The following HPGDS variants were observed in gnomAD, a reference collection of about 807,000 sequenced individuals.
The protein encoded by HPGDS is GST class-sigma.
A neutral mutation model predicts 23.1 loss-of-function variants in HPGDS; 26 were observed. The observed-to-expected ratio is 1.13, with a 90% CI of 0.83 to 1.56. HPGDS has a LOEUF of 1.56. HPGDS is among the 40% of genes most tolerant of loss of function. The pLI, the probability that HPGDS is intolerant of heterozygous loss-of-function variation, is 0.00. For synonymous variants in HPGDS, 95 were observed against 77.9 expected (o/e 1.22, Z -1.16); for missense variants, 268 against 236.4 (o/e 1.13, Z -0.88).
intron 2 of HPGDS, among the ~76,000 whole-genome samples, chr4:94,319,756 A>G (rs1377397967): frequency 6.6e-6 from 1 of 151,866 alleles, no homozygotes; most frequent in African/African-American, 2.4e-5. Flanking sequence ...GAGAAAGACT[A>G]TTTCTCCCTC....
intron 4 of HPGDS, among the ~76,000 whole-genome samples, chr4:94,305,377 T>G (rs994369326): frequency 3.3e-5 from 5 of 152,230 alleles, no homozygotes; most frequent in African/African-American, 9.6e-5. Flanking sequence ...CGTGTGTGTG[T>G]GGGCAGACCC....
chr4:94,338,134 A>T (rs897529124), intron 1 of HPGDS, among the ~76,000 whole-genome samples: 2 of 152,198 alleles, frequency 1.3e-5, no homozygotes, highest in African/African-American at 4.8e-5. Flanking sequence ...ATTAAAAGAG[A>T]AAAATCAGGC....
At chr4:94,307,719 A>T (rs954346474) in intron 4 of HPGDS, among the ~76,000 whole-genome samples, 1 of 152,162 alleles carries the variant, frequency 6.6e-6, no homozygotes, top group Admixed American at 6.6e-5. Context: ...CTTGTGGAAA[A>T]TCGTATTGGC....
At chr4:94,302,089 T>C (rs1461479096) in intron 5 of HPGDS, 57 bp downstream of exon 5, 2 of 1,303,110 alleles carry the variant, frequency 1.5e-6, no homozygotes, top group Non-Finnish European at 1.1e-6. Flanking sequence ...GTTTTTATAC[T>C]TCTATTGGTT....
intron 3 of HPGDS, among the ~76,000 whole-genome samples, chr4:94,311,375 T>C (rs1244032329): frequency 1.3e-5 from 2 of 151,406 alleles, no homozygotes; most frequent in African/African-American, 2.5e-5. Context: ...CAAGGCCTTT[T>C]CTGCATCTAT....
rs963541279 is a variant in HPGDS, at chr4:94,302,411, C to T, written c.337-167G>A. ...ATGACATGGAGATTTAGGTCTGATT[C>T]TCTATAGATGTGAGTCATCTCTTTA... On this transcript the variant is annotated intron_variant, in intron 4 of 5. Coordinates refer to ENST00000295256, the MANE Select transcript of HPGDS (RefSeq NM_014485.3). 5.9e-5 allele frequency among the ~76,000 whole-genome samples: 9 copies of T among 152,044 alleles called. No homozygotes were observed. The South Asian group carries it at 1.9e-3, about 32-fold the overall frequency.
chr4:94,340,142 G>A (rs1721108490), intron 1 of HPGDS, among the ~76,000 whole-genome samples: 1 of 151,626 alleles, frequency 6.6e-6, no homozygotes, highest in South Asian at 2.1e-4. Flanking sequence ...TTTTTTAGTG[G>A]AGATGGGGTT....
chr4:94,304,957 G>T (rs1163686798), intron 4 of HPGDS, among the ~76,000 whole-genome samples: 1 of 151,978 alleles, frequency 6.6e-6, no homozygotes, highest in Non-Finnish European at 1.5e-5. Flanking sequence ...GGGGTGTTTG[G>T]TACATGGAAC....
intron 1 of HPGDS, among the ~76,000 whole-genome samples, chr4:94,341,564 A>G (rs1721175488): frequency 6.6e-6 from 1 of 152,244 alleles, no homozygotes; most frequent in Non-Finnish European, 1.5e-5. Flanking sequence ...TCTACAGTTC[A>G]ATACAAAATG....
Position 94,308,616 on chromosome 4 carries a change from G to A in HPGDS, c.336+18C>T, listed in dbSNP as rs1756185449. The A allele has an allele frequency of 7.4e-6, 10 of 1,358,424 alleles. No homozygotes were observed. The highest frequency in any genetic ancestry group is 1.1e-5 in the Non-Finnish European group (10 of 952,320). 84.1% of individuals were successfully genotyped at this position (1,358,424 alleles called of 1,614,324 possible). On this transcript the variant is annotated intron_variant, in intron 4 of 5. Coordinates refer to ENST00000295256, the MANE Select transcript of HPGDS (RefSeq NM_014485.3). ...TGGTATATAATTAATACTAGGAATA[G>A]CAAATGGATCACATTACTTTCACAT...
intron 4 of HPGDS, 128 bp downstream of exon 4, chr4:94,308,506 A>G (rs921897763): frequency 5.9e-6 from 3 of 511,062 alleles, no homozygotes; most frequent in Admixed American, 7.1e-5. Context: ...TTAAACTTTT[A>G]AAATATAATT....
chr4:94,313,569 C>T (rs1560587500), intron 3 of HPGDS, among the ~76,000 whole-genome samples: 1 of 152,162 alleles, frequency 6.6e-6, no homozygotes, highest in African/African-American at 2.4e-5. Context: ...CTGCCCTTAA[C>T]ATTTTTTCCT....
intron 2 of HPGDS, among the ~76,000 whole-genome samples, chr4:94,329,448 T>C (rs1756698224): frequency 6.6e-6 from 1 of 152,168 alleles, no homozygotes; most frequent in Admixed American, 6.5e-5. Context: ...AATCTTATTT[T>C]TTTGAGGATT....
chr4:94,317,139 G>C (rs1756412698), intron 3 of HPGDS, among the ~76,000 whole-genome samples: 2 of 152,122 alleles, frequency 1.3e-5, no homozygotes, highest in Non-Finnish European at 2.9e-5. Flanking sequence ...CATAGCAGTG[G>C]CAATGGTGGT....
intron 3 of HPGDS, among the ~76,000 whole-genome samples, chr4:94,314,826 G>T (rs1267136037): frequency 1.3e-5 from 2 of 152,172 alleles, no homozygotes; most frequent in Non-Finnish European, 2.9e-5. Flanking sequence ...ACCTACTCAA[G>T]CCTCAGCAAT....
intron 3 of HPGDS, among the ~76,000 whole-genome samples, chr4:94,314,673 T>C (rs963016257): frequency 3.3e-5 from 5 of 152,218 alleles, no homozygotes; most frequent in African/African-American, 1.2e-4. Context: ...AGCTGTCAGA[T>C]AGGGACATTT....
chr4:94,330,848 A>G (rs1334699416), intron 2 of HPGDS, among the ~76,000 whole-genome samples: 3 of 152,254 alleles, frequency 2.0e-5, no homozygotes, highest in Non-Finnish European at 4.4e-5. Context: ...GTTAAAAGAA[A>G]AACTTCAGCC....
At chr4:94,333,715 G>T (rs77653727) in intron 2 of HPGDS, among the ~76,000 whole-genome samples, 5,704 of 152,260 alleles carry the variant, frequency 0.037, 349 homozygotes, top group African/African-American at 0.13. Flanking sequence ...AGTTCAGGTA[G>T]AATAGGGAAT....
At chr4:94,313,092 A>G (rs1412878384) in intron 3 of HPGDS, among the ~76,000 whole-genome samples, 10 of 152,080 alleles carry the variant, frequency 6.6e-5, no homozygotes, top group Non-Finnish European at 1.2e-4. Context: ...TCTTTATCCA[A>G]TTTGCCAGTC....
Sources: allele counts gnomAD v4.1 joint callset (sites outside exome capture counted in the v4.1 genomes callset), GRCh38; gene constraint gnomAD v4.1.1; transcripts MANE v1.5; gene names NCBI Gene and HGNC (gene_info 2026-07-23, HGNC 2026-07-21).